The following PDE1A variants were observed in gnomAD, a reference collection of about 807,000 sequenced individuals.
PDE1A encodes phosphodiesterase 1A.
Under a neutral mutation model 61.7 loss-of-function variants are expected in PDE1A, and 35 were observed. The ratio of observed to expected loss-of-function variants is 0.57; its 90% CI spans 0.43 to 0.75. The LOEUF (loss-of-function observed/expected upper bound fraction) is 0.75, where lower values mean the gene tolerates loss of function less well. PDE1A is among the 30% of genes least tolerant of loss of function. The pLI is 0.00. For synonymous variants in PDE1A, 232 were observed against 213.2 expected (o/e 1.09, Z -0.77); for missense variants, 597 against 630.6 (o/e 0.95, Z 0.57).
the PDE1A span, among the ~76,000 whole-genome samples, chr2:182,681,577 A>T: frequency 2.0e-4 from 3 of 14,864 alleles, no homozygotes; most frequent in Non-Finnish European, 3.8e-4. Flanking sequence ...CTCTAAATTA[A>T]AAAAAAAAAA....
At position 182,173,551 on chromosome 2, in the gene PDE1A, TATATA is replaced by T. The variant is rs1276607934; in HGVS notation, c.1517-5266_1517-5262del. Among the ~76,000 whole-genome samples, 6 of 142,930 alleles carry T rather than the reference TATATA, an allele frequency of 4.2e-5. No homozygotes were observed. In the East Asian group the frequency reaches 6.6e-4, roughly 16 times the overall value. 93.8% of individuals were successfully genotyped at this position (142,930 alleles called of 152,430 possible). ...TTGGAAATAGGAACAATAAAGGAAA[TATATA>T]ATATAATAATTTAATTTACTAATAA... On this transcript the variant is annotated intron_variant, in intron 13 of 13. Transcript: ENST00000351439.
chr2:182,704,226 CA>C, the PDE1A span, among the ~76,000 whole-genome samples: 15 of 95,948 alleles, frequency 1.6e-4, no homozygotes, highest in African/African-American at 2.5e-4. Context: ...AAAAAAAAAA[CA>C]AAAAAAAAAA....
At chr2:182,474,714 T>C (rs1243935929) in intron 2 of PDE1A, among the ~76,000 whole-genome samples, 1 of 151,896 alleles carries the variant, frequency 6.6e-6, no homozygotes, top group Non-Finnish European at 1.5e-5. Flanking sequence ...TGAGGACAAT[T>C]ATATATACAT....
intron 7 of PDE1A, among the ~76,000 whole-genome samples, chr2:182,212,466 C>A (rs561406690): frequency 4.6e-5 from 7 of 152,124 alleles, no homozygotes; most frequent in African/African-American, 1.4e-4. Context: ...GCGTGAGCGA[C>A]GCAGAAGACG....
intron 13 of PDE1A, among the ~76,000 whole-genome samples, chr2:182,184,252 T>C (rs1360743150): frequency 3.7e-5 from 3 of 82,158 alleles, no homozygotes. Context: ...GAACACTAAG[T>C]AGAATACTGA....
intron 11 of PDE1A, among the ~76,000 whole-genome samples, chr2:182,186,848 AT>A (rs1302774769): frequency 6.6e-6 from 1 of 152,148 alleles, no homozygotes; most frequent in Non-Finnish European, 1.5e-5. Context: ...TGGCTTTTCT[AT>A]TTACTATTCA....
chr2:182,712,850 C>G, the PDE1A span, among the ~76,000 whole-genome samples: 1 of 152,182 alleles, frequency 6.6e-6, no homozygotes, highest in Admixed American at 6.5e-5. Context: ...GCCACCGCGC[C>G]TGGCTCAGTT....
chr2:182,389,271 G>A (rs968729586), intron 1 of PDE1A, among the ~76,000 whole-genome samples: 1 of 152,072 alleles, frequency 6.6e-6, no homozygotes, highest in African/African-American at 2.4e-5. Context: ...AGCAAAGTCA[G>A]GAAACTATCA....
At chr2:182,166,589 C>T (rs73975384), downstream of PDE1A, among the ~76,000 whole-genome samples, 29,681 of 152,088 alleles carry the variant, frequency 0.2, 3,107 homozygotes, top group East Asian at 0.31. Flanking sequence ...AGCCAAGCCA[C>T]CAGCTTTTCT....
At chr2:182,693,017 G>T in the PDE1A span, among the ~76,000 whole-genome samples, 3 of 152,054 alleles carry the variant, frequency 2.0e-5, no homozygotes, top group East Asian at 3.8e-4. Flanking sequence ...TTGAGCCCAC[G>T]AGTTTGAGGT....
chr2:182,514,956 A>T (rs552920792), intron 2 of PDE1A, among the ~76,000 whole-genome samples: 2 of 152,340 alleles, frequency 1.3e-5, no homozygotes, highest in East Asian at 3.9e-4. Flanking sequence ...ATTTAGCCAC[A>T]CACCCAAACC....
At chr2:182,556,042 G>C in the PDE1A span, among the ~76,000 whole-genome samples, 6 of 148,562 alleles carry the variant, frequency 4.0e-5, no homozygotes, top group Admixed American at 2.0e-4. Flanking sequence ...CTCTTGGATG[G>C]ATAATTAGAA....
chr2:182,624,704 T>G, the PDE1A span, among the ~76,000 whole-genome samples: 101 of 152,322 alleles, frequency 6.6e-4, no homozygotes, highest in Non-Finnish European at 1.3e-3. Context: ...TTATTAAGTC[T>G]ATACCTCAAC....
chr2:182,716,749 TC>T, the PDE1A span, among the ~76,000 whole-genome samples: 29 of 152,064 alleles, frequency 1.9e-4, no homozygotes, highest in African/African-American at 7.0e-4. Context: ...ACAGCCCTGT[TC>T]CCCCGTGTCT....
At chr2:182,249,659 T>C (rs1691246612) in intron 2 of PDE1A, among the ~76,000 whole-genome samples, 1 of 152,060 alleles carries the variant, frequency 6.6e-6, no homozygotes, top group Admixed American at 6.5e-5. Flanking sequence ...GAGAGTCCAT[T>C]AGTATTATCT....
chr2:182,174,851 C>T (rs1416040955), intron 13 of PDE1A, among the ~76,000 whole-genome samples: 4 of 151,976 alleles, frequency 2.6e-5, no homozygotes, highest in Non-Finnish European at 4.4e-5. Flanking sequence ...CCCATCAACC[C>T]GTCATCTACA....
the PDE1A span, among the ~76,000 whole-genome samples, chr2:182,708,222 A>G: frequency 8.3e-4 from 126 of 152,212 alleles, no homozygotes; most frequent in African/African-American, 2.9e-3. Context: ...TAGCTTTGCA[A>G]CCTGCCCCCA....
intron 1 of PDE1A, among the ~76,000 whole-genome samples, chr2:182,365,853 A>G (rs1699808913): frequency 6.6e-6 from 1 of 152,022 alleles, no homozygotes; most frequent in African/African-American, 2.4e-5. Context: ...ACAGATGATA[A>G]AAGTGACTAA....
intron 2 of PDE1A, among the ~76,000 whole-genome samples, chr2:182,478,125 A>G (rs548704789): frequency 1.3e-5 from 2 of 152,030 alleles, no homozygotes; most frequent in South Asian, 4.1e-4. Flanking sequence ...ATCCATTGCT[A>G]AACTTTTTTT....
Sources: gnomAD v4.1 joint callset for allele counts (sites outside exome capture counted in the v4.1 genomes callset) on GRCh38, gnomAD v4.1.1 for gene constraint, MANE v1.5 for transcripts, NCBI Gene and HGNC (gene_info 2026-07-23, HGNC 2026-07-21) for gene names.